NTRK2: variants seen among roughly 807,000 people sequenced by gnomAD.
NTRK2 encodes neurotrophic receptor tyrosine kinase 2, also known as BDNF/NT-3 growth factors receptor.
NTRK2 carries 13 observed loss-of-function variants against 94.5 expected under a neutral mutation model. The observed-to-expected ratio is 0.14, with a 90% CI of 0.09 to 0.22. The LOEUF is 0.22. NTRK2 is among the 10% of genes least tolerant of loss of function. NTRK2 has a pLI of 1.00. For synonymous variants in NTRK2, 372 were observed against 407.4 expected, an observed-to-expected ratio of 0.91 and a Z score of 1.05; for missense variants, 639 against 1,071.2, an observed-to-expected ratio of 0.60 and a Z score of 5.63.
At chr9:84,806,849 T>C (rs1390765704) in intron 12 of NTRK2, among the ~76,000 whole-genome samples, 1 of 152,262 alleles carries the variant, frequency 6.6e-6, no homozygotes, top group Non-Finnish European at 1.5e-5. Context: ...AGACACACGA[T>C]GTTATGAGAA....
intron 12 of NTRK2, among the ~76,000 whole-genome samples, chr9:84,771,979 G>A (rs1354755684): frequency 6.6e-6 from 1 of 152,190 alleles, no homozygotes; most frequent in South Asian, 2.1e-4. Context: ...AGATAGAGTA[G>A]CAGAAGGAGC....
At chr9:84,897,219 G>A (rs1208263591) in intron 14 of NTRK2, among the ~76,000 whole-genome samples, 4 of 152,000 alleles carry the variant, frequency 2.6e-5, no homozygotes, top group East Asian at 1.9e-4. Flanking sequence ...TCACTGCAAC[G>A]TCCGACTCCC....
chr9:84,797,742 TA>T (rs2069681621), intron 12 of NTRK2, among the ~76,000 whole-genome samples: 1 of 23,954 alleles, frequency 4.2e-5, no homozygotes, highest in Non-Finnish European at 8.1e-5. Flanking sequence ...ATATATACTA[TA>T]ATATATATTA....
chr9:84,923,719 C>A (rs529930392), intron 14 of NTRK2, among the ~76,000 whole-genome samples: 1 of 152,148 alleles, frequency 6.6e-6, no homozygotes, highest in East Asian at 1.9e-4. Context: ...AGTTGGAGAC[C>A]AGCCTGGCCA....
At chr9:84,675,480 T>C (rs2058994491) in intron 2 of NTRK2, among the ~76,000 whole-genome samples, 2 of 152,090 alleles carry the variant, frequency 1.3e-5, no homozygotes, top group Non-Finnish European at 2.9e-5. Flanking sequence ...ACTTTACCAC[T>C]TCTCTAGAGA....
chr9:84,974,234 A>G (rs564559446), intron 17 of NTRK2, among the ~76,000 whole-genome samples: 80 of 152,330 alleles, frequency 5.3e-4, no homozygotes, highest in African/African-American at 1.6e-3. Context: ...CCCCACGCAT[A>G]TCTGCTATCA....
chr9:84,942,493 A>G (rs2132814554), intron 15 of NTRK2, among the ~76,000 whole-genome samples: 1 of 152,316 alleles, frequency 6.6e-6, no homozygotes, highest in Non-Finnish European at 1.5e-5. Context: ...CATTCCCAAG[A>G]AAGAGGTTGG....
chr9:84,669,115 C>A (rs2058541443), upstream of NTRK2, among the ~76,000 whole-genome samples: 1 of 152,108 alleles, frequency 6.6e-6, no homozygotes, highest in South Asian at 2.1e-4. The surrounding 1 kb of genome is among the most constrained non-coding windows in gnomAD (Gnocchi z 4.1). Context: ...ACCACCGATC[C>A]CCAAATAGGT....
chr9:84,699,861 T>C (rs1055761316), intron 2 of NTRK2, among the ~76,000 whole-genome samples: 1 of 152,238 alleles, frequency 6.6e-6, no homozygotes, highest in Non-Finnish European at 1.5e-5. Context: ...GCTGGTTCGT[T>C]GTATTCTATT....
At chr9:84,865,917 T>C (rs1446353758) in intron 13 of NTRK2, among the ~76,000 whole-genome samples, 1 of 152,234 alleles carries the variant, frequency 6.6e-6, no homozygotes, top group East Asian at 1.9e-4. Context: ...CCTTTATCTT[T>C]GTGCATCTAA....
chr9:84,942,064 A>G (rs1265150056), intron 15 of NTRK2, among the ~76,000 whole-genome samples: 1 of 152,224 alleles, frequency 6.6e-6, no homozygotes, highest in Admixed American at 6.5e-5. Context: ...AAGGAGTTAT[A>G]TACAACTAAC....
At chr9:84,887,137 A>G (rs2076440835) in intron 14 of NTRK2, among the ~76,000 whole-genome samples, 1 of 152,180 alleles carries the variant, frequency 6.6e-6, no homozygotes, top group Non-Finnish European at 1.5e-5. Flanking sequence ...TTCATCCGAA[A>G]AAAAAGAAAT....
At chr9:84,944,024 G>A (rs2078503393) in intron 15 of NTRK2, among the ~76,000 whole-genome samples, 1 of 152,096 alleles carries the variant, frequency 6.6e-6, no homozygotes, top group Admixed American at 6.5e-5. Context: ...AGATGCATTT[G>A]CCCCATGAAT....
intron 15 of NTRK2, among the ~76,000 whole-genome samples, chr9:84,936,542 T>G (rs2078218543): frequency 6.6e-6 from 1 of 152,174 alleles, no homozygotes; most frequent in Non-Finnish European, 1.5e-5. Context: ...CCCAATCACA[T>G]TCCTAGTTCC....
intron 12 of NTRK2, among the ~76,000 whole-genome samples, chr9:84,818,959 G>A (rs191379448): frequency 8.3e-4 from 126 of 152,292 alleles, no homozygotes; most frequent in African/African-American, 2.6e-3. Flanking sequence ...CGAATGTCCC[G>A]TCTGGCAGCC....
chr9:84,782,420 C>T (rs563585243), intron 12 of NTRK2, among the ~76,000 whole-genome samples: 13 of 152,222 alleles, frequency 8.5e-5, no homozygotes, highest in Non-Finnish European at 8.8e-5. Flanking sequence ...GTTGCTGGCA[C>T]GTTCTGCGGC....
At chr9:85,006,410 T>C (rs1049057538) in intron 17 of NTRK2, among the ~76,000 whole-genome samples, 1 of 152,138 alleles carries the variant, frequency 6.6e-6, no homozygotes, top group African/African-American at 2.4e-5. Flanking sequence ...CCTGCCATCA[T>C]GCTAAGCATA....
intron 12 of NTRK2, among the ~76,000 whole-genome samples, chr9:84,854,941 C>A (rs1204842971): frequency 8.9e-6 from 1 of 112,274 alleles, no homozygotes. Flanking sequence ...AGCGAGACTC[C>A]GTCTCAAAAA....
At chr9:84,795,348 C>T (rs2069182933) in intron 12 of NTRK2, among the ~76,000 whole-genome samples, 1 of 152,160 alleles carries the variant, frequency 6.6e-6, no homozygotes, top group African/African-American at 2.4e-5. Context: ...ACCCCTCATC[C>T]CAACACGCCC....
Sources: gnomAD v4.1 joint callset for allele counts (sites outside exome capture counted in the v4.1 genomes callset) on GRCh38, gnomAD v4.1.1 for gene constraint, Gnocchi (gnomAD v3.1) non-coding constraint, MANE v1.5 for transcripts, NCBI Gene and HGNC (gene_info 2026-07-23, HGNC 2026-07-21) for gene names.